Variants in KCNIP4 observed in about 807,000 individuals in gnomAD.
KCNIP4 encodes Kv channel-interacting protein 4.
KCNIP4 carries 12 observed loss-of-function variants against 34.0 expected under a neutral mutation model. The observed-to-expected ratio is 0.35, with a 90% CI of 0.23 to 0.57. KCNIP4 has a LOEUF of 0.57. KCNIP4 is among the 20% of genes least tolerant of loss of function. The pLI is 0.83. For synonymous variants in KCNIP4, 124 were observed against 102.2 expected (o/e 1.21, Z -1.29); for missense variants, 238 against 311.7 (o/e 0.76, Z 1.78).
intron 1 of KCNIP4, among the ~76,000 whole-genome samples, chr4:21,875,203 G>A (rs955646697): frequency 6.6e-6 from 1 of 152,186 alleles, no homozygotes. Flanking sequence ...ACTTGGGTCT[G>A]TCTGATTCCT....
chr4:21,383,012 C>T (rs7657161), intron 1 of KCNIP4, among the ~76,000 whole-genome samples: 127,968 of 152,126 alleles, frequency 0.84, 54,188 homozygotes, highest in Non-Finnish European at 0.89. Context: ...TAAAATGATG[C>T]CATTAGGGTG....
At chr4:21,195,824 ACT>A (rs200891519) in intron 1 of KCNIP4, among the ~76,000 whole-genome samples, 3,119 of 151,982 alleles carry the variant, frequency 0.021, 47 homozygotes, top group South Asian at 0.03. Context: ...GCCCAAGTAG[ACT>A]CTCAATTCTC....
rs181781750 is a variant in KCNIP4, at chr4:21,081,276, G to T, written c.62-198567C>A. 3.1e-4 allele frequency among the ~76,000 whole-genome samples: 47 copies of T among 151,916 alleles called. 1 individual carries two copies. In the East Asian group the frequency reaches 3.5e-3, roughly 11 times the overall value. ...AGGCCTAGCTGATTATTGTTTCAGA[G>T]ATGAAGTGAAAAAAGAGCAAACATA... is the stretch of plus-strand genomic sequence containing the variant. On this transcript the variant is annotated intron_variant, in intron 1 of 8. Transcript: ENST00000382152.
chr4:20,847,258 G>A (rs1011288367), intron 3 of KCNIP4, among the ~76,000 whole-genome samples: 2 of 152,088 alleles, frequency 1.3e-5, no homozygotes, highest in African/African-American at 4.8e-5. Context: ...TGAGTCAGAG[G>A]GAACTGCCCA....
chr4:21,883,159 G>GT (rs71193418), intron 1 of KCNIP4, among the ~76,000 whole-genome samples: 55,829 of 137,976 alleles, frequency 0.4, 11,109 homozygotes, highest in East Asian at 0.6. Flanking sequence ...CTGAGTTGTT[G>GT]TTTTTTTTTT....
At chr4:21,523,189 T>C (rs1317340737) in intron 1 of KCNIP4, among the ~76,000 whole-genome samples, 3 of 152,148 alleles carry the variant, frequency 2.0e-5, no homozygotes, top group African/African-American at 7.2e-5. Context: ...GAAGTAATTT[T>C]CTGTTATTTA....
intron 1 of KCNIP4, among the ~76,000 whole-genome samples, chr4:21,205,602 TACTTAAA>T (rs1476088652): frequency 6.6e-6 from 1 of 152,228 alleles, no homozygotes; most frequent in African/African-American, 2.4e-5. Context: ...ATTTAACAAA[TACTTAAA>T]ACTTACCACG....
chr4:21,728,736 CT>C (rs1320148143), intron 1 of KCNIP4, among the ~76,000 whole-genome samples: 1 of 152,118 alleles, frequency 6.6e-6, no homozygotes, highest in Admixed American at 6.6e-5. Flanking sequence ...CTCAACATGC[CT>C]TCCTCAGGAG....
intron 1 of KCNIP4, among the ~76,000 whole-genome samples, chr4:21,095,260 G>T (rs915182412): frequency 6.6e-6 from 1 of 152,166 alleles, no homozygotes; most frequent in African/African-American, 2.4e-5. Context: ...GCTGGTTTGG[G>T]ATTATCAGAT....
At chr4:21,209,438 T>C (rs561130583) in intron 1 of KCNIP4, among the ~76,000 whole-genome samples, 18 of 152,308 alleles carry the variant, frequency 1.2e-4, no homozygotes, top group Non-Finnish European at 2.6e-4. Context: ...TACAATCCTT[T>C]GTTCTACTTT....
intron 1 of KCNIP4, among the ~76,000 whole-genome samples, chr4:20,955,097 T>C (rs1733156634): frequency 6.6e-6 from 1 of 152,116 alleles, no homozygotes; most frequent in African/African-American, 2.4e-5. Flanking sequence ...GATGGAGGGT[T>C]CTCGTATTGC....
At chr4:21,301,689 T>C (rs569169757) in intron 1 of KCNIP4, among the ~76,000 whole-genome samples, 42 of 152,254 alleles carry the variant, frequency 2.8e-4, no homozygotes, top group Middle Eastern at 6.8e-3. Flanking sequence ...TAATAAACAT[T>C]GCTTATCCTT....
chr4:21,246,677 T>C (rs1041040879), intron 1 of KCNIP4, among the ~76,000 whole-genome samples: 1 of 152,110 alleles, frequency 6.6e-6, no homozygotes, highest in African/African-American at 2.4e-5. Flanking sequence ...GTGCAATGCT[T>C]CCATTGTCAC....
chr4:20,814,633 C>A (rs924598011), intron 3 of KCNIP4, among the ~76,000 whole-genome samples: 1 of 152,096 alleles, frequency 6.6e-6, no homozygotes, highest in Non-Finnish European at 1.5e-5. Context: ...AACTGTTGAC[C>A]CTTTTCTGAT....
intron 1 of KCNIP4, among the ~76,000 whole-genome samples, chr4:21,833,081 T>C (rs1294772547): frequency 2.0e-5 from 3 of 150,574 alleles, no homozygotes; most frequent in African/African-American, 7.5e-5. Flanking sequence ...AGCAGCATGA[T>C]TTATAGTCCT....
chr4:21,428,620 T>G (rs1340642678), intron 1 of KCNIP4, among the ~76,000 whole-genome samples: 1 of 152,124 alleles, frequency 6.6e-6, no homozygotes, highest in Non-Finnish European at 1.5e-5. Flanking sequence ...TAGACGCAAT[T>G]GAAATTGGTA....
chr4:21,032,047 C>G (rs952634305), intron 1 of KCNIP4, among the ~76,000 whole-genome samples: 14 of 152,166 alleles, frequency 9.2e-5, no homozygotes, highest in African/African-American at 2.9e-4. Flanking sequence ...ACACAGAGAA[C>G]AGCCTCGAAG....
At chr4:21,394,253 A>C (rs1722791059) in intron 1 of KCNIP4, among the ~76,000 whole-genome samples, 1 of 152,148 alleles carries the variant, frequency 6.6e-6, no homozygotes, top group South Asian at 2.1e-4. Context: ...ATATCTAAAA[A>C]TTCAGTGCTC....
intron 1 of KCNIP4, among the ~76,000 whole-genome samples, chr4:20,936,736 G>T (rs144090200): frequency 6.6e-6 from 1 of 152,052 alleles, no homozygotes; most frequent in South Asian, 2.1e-4. Context: ...GGAAAAAAGC[G>T]TGCTTCTTGT....
Sources: allele counts gnomAD v4.1 joint callset (sites outside exome capture counted in the v4.1 genomes callset), GRCh38; gene constraint gnomAD v4.1.1; transcripts MANE v1.5; gene names NCBI Gene and HGNC (gene_info 2026-07-23, HGNC 2026-07-21).